Variants in FANCL observed in about 807,000 individuals in gnomAD.
FANCL encodes the protein E3 ubiquitin-protein ligase FANCL.
In FANCL, 69 loss-of-function variants were observed where a neutral mutation model predicts 59.4. The observed-to-expected ratio is 1.16, with a 90% CI of 0.96 to 1.42. The LOEUF is 1.42. FANCL is among the 40% of genes most tolerant of loss of function. FANCL has a pLI of 0.00. For synonymous variants in FANCL, 180 were observed against 147.1 expected (o/e 1.22, Z -1.62); for missense variants, 519 against 447.2 (o/e 1.16, Z -1.45).
chr2:58,203,609 T>A lies in FANCL; in HGVS notation c.471+521A>T, dbSNP rs568972245. Among the ~76,000 whole-genome samples the A allele has an allele frequency of 4.6e-5, 7 of 152,086 alleles. No individual in the cohort carries two copies. The East Asian group carries it at 1.4e-3, about 29-fold the overall frequency. ...TTATAGATCACTATCCTATAAGGGATCTATAAATAGAGGCATAACCTCTGC... is the reference window on the plus strand; with the variant it reads ...TTATAGATCACTATCCTATAAGGGAACTATAAATAGAGGCATAACCTCTGC... On this transcript the variant is annotated intron_variant, in intron 6 of 13. Transcript: ENST00000233741.
chr2:58,182,845 A>C (rs2104973930), intron 7 of FANCL, among the ~76,000 whole-genome samples: 1 of 151,856 alleles, frequency 6.6e-6, no homozygotes, highest in Non-Finnish European at 1.5e-5. Flanking sequence ...GATGCAATAG[A>C]GTATGCTGAT....
intron 5 of FANCL, among the ~76,000 whole-genome samples, chr2:58,208,928 AAT>A (rs1014816044): frequency 2.6e-5 from 4 of 152,244 alleles, no homozygotes; most frequent in Non-Finnish European, 5.9e-5. Flanking sequence ...GTTTAGCCCT[AAT>A]ATGTTAATCC....
chr2:58,161,969 C>T (rs944055112), intron 11 of FANCL, among the ~76,000 whole-genome samples: 7 of 151,892 alleles, frequency 4.6e-5, no homozygotes, highest in South Asian at 4.1e-4. Context: ...CCTAGCAAAG[C>T]TATTGTAGGG....
rs1330557964 is a variant in FANCL at position 58,170,924 on chromosome 2, T to C, written c.541-5050A>G. 2.0e-5 allele frequency among the ~76,000 whole-genome samples: 3 copies of C among 152,074 alleles called. No homozygotes were observed. The East Asian group carries it at 5.8e-4, about 29-fold the overall frequency. On this transcript the variant is annotated intron_variant, in intron 7 of 13. Transcript: ENST00000233741. ...ACTTAAGACTCCCACACAATAATAGTGGGAGACTGTAACACCCCCACTGTC... is the reference window on the plus strand; with the variant it reads ...ACTTAAGACTCCCACACAATAATAGCGGGAGACTGTAACACCCCCACTGTC...
intron 5 of FANCL, among the ~76,000 whole-genome samples, chr2:58,205,125 A>C (rs946147291): frequency 6.6e-6 from 1 of 152,032 alleles, no homozygotes; most frequent in African/African-American, 2.4e-5. Context: ...AGTAAGACCC[A>C]TTGGAGTTCA....
At chr2:58,208,842 C>T (rs1194134659) in intron 5 of FANCL, among the ~76,000 whole-genome samples, 1 of 152,114 alleles carries the variant, frequency 6.6e-6, no homozygotes, top group Non-Finnish European at 1.5e-5. Flanking sequence ...CATATCAATC[C>T]CTTGCTCAAA....
chr2:58,202,968 C>A (rs933781811), intron 6 of FANCL, among the ~76,000 whole-genome samples: 2 of 148,984 alleles, frequency 1.3e-5, no homozygotes, highest in East Asian at 2.0e-4. Flanking sequence ...AAGGAAATGA[C>A]AGAACCCTTG....
At chr2:58,226,922 T>A (rs1693065542) in intron 3 of FANCL, 138 bp from the exon 4 acceptor site, 1 of 728,876 alleles carries the variant, frequency 1.4e-6, no homozygotes, top group Non-Finnish European at 2.3e-6. Context: ...AGAAATGAAG[T>A]ATCGGTCATC....
At chr2:58,159,841 T>C in intron 13 of FANCL, 41 bp from the exon 14 acceptor site, 3 of 1,608,224 alleles carry the variant, frequency 1.9e-6, no homozygotes, top group African/African-American at 1.3e-5. Context: ...TTGTGGACAC[T>C]CTAAAAAATA....
intron 6 of FANCL, among the ~76,000 whole-genome samples, chr2:58,202,048 T>C (rs1306283380): frequency 4.6e-5 from 7 of 151,782 alleles, no homozygotes; most frequent in Admixed American, 3.9e-4. Flanking sequence ...CAGTTAACGT[T>C]TCAACTATTA....
chr2:58,182,026 G>A (rs1421872623), intron 7 of FANCL, among the ~76,000 whole-genome samples: 2 of 151,432 alleles, frequency 1.3e-5, no homozygotes, highest in Non-Finnish European at 3.0e-5. Flanking sequence ...CACTATATAA[G>A]ACAAATTATA....
At chr2:58,163,582 TAAAG>T in intron 8 of FANCL, 65 bp from the exon 9 acceptor site, 1 of 1,010,456 alleles carries the variant, frequency 9.9e-7, no homozygotes, top group Admixed American at 1.8e-5. Context: ...CAATAAAAAA[TAAAG>T]AGGTGTTGGT....
At chr2:58,175,748 C>T (rs981850180) in intron 7 of FANCL, among the ~76,000 whole-genome samples, 5 of 152,164 alleles carry the variant, frequency 3.3e-5, no homozygotes, top group African/African-American at 7.2e-5. Context: ...TCTCTCACCA[C>T]TCCTATTCAA....
intron 4 of FANCL, among the ~76,000 whole-genome samples, chr2:58,225,132 C>T (rs1162957873): frequency 6.7e-6 from 1 of 150,132 alleles, no homozygotes; most frequent in Non-Finnish European, 1.5e-5. Context: ...CTTGTGCTGA[C>T]CAAAAAAATG....
At chr2:58,222,350 G>A (rs564747338) in intron 4 of FANCL, among the ~76,000 whole-genome samples, 100 of 151,948 alleles carry the variant, frequency 6.6e-4, no homozygotes, top group African/African-American at 2.4e-3. Flanking sequence ...CATCCTCAAG[G>A]CTTCACTATG....
chr2:58,209,523 T>A (rs1240271027), intron 5 of FANCL, among the ~76,000 whole-genome samples: 2 of 152,064 alleles, frequency 1.3e-5, no homozygotes, highest in Non-Finnish European at 2.9e-5. Context: ...TTACAAAAAA[T>A]TATCATTATT....
intron 1 of FANCL, among the ~76,000 whole-genome samples, chr2:58,237,221 T>A (rs918655759): frequency 6.6e-6 from 1 of 152,126 alleles, no homozygotes; most frequent in African/African-American, 2.4e-5. Flanking sequence ...ATATTATTGG[T>A]CATAAAATTA....
At chr2:58,222,177 GACTCATTCCCCTGCTC>G (rs1692540829) in intron 4 of FANCL, 135 bp from the exon 5 acceptor site, 1 of 637,004 alleles carries the variant, frequency 1.6e-6, no homozygotes, top group Non-Finnish European at 2.8e-6. Context: ...AAATCTGGCT[GACTCATTCCCCTGCTC>G]ATGAAAAAGA....
chr2:58,160,539 C>T (rs1302571715), intron 12 of FANCL, among the ~76,000 whole-genome samples: 1 of 151,992 alleles, frequency 6.6e-6, no homozygotes, highest in Non-Finnish European at 1.5e-5. Context: ...ATCCATTAAT[C>T]ACAAATTAAC....
Sources: allele counts gnomAD v4.1 joint callset (sites outside exome capture counted in the v4.1 genomes callset), GRCh38; gene constraint gnomAD v4.1.1; transcripts MANE v1.5; gene names NCBI Gene and HGNC (gene_info 2026-07-23, HGNC 2026-07-21).